SCP2: variants seen among roughly 807,000 people sequenced by gnomAD.
SCP2 encodes sterol carrier protein 2.
A neutral mutation model predicts 71.4 loss-of-function variants in SCP2; 48 were observed. The observed-to-expected ratio is 0.67, with a 90% CI of 0.53 to 0.86. The LOEUF is 0.86. SCP2 is among the 40% of genes least tolerant of loss of function. The pLI, the probability that SCP2 is intolerant of heterozygous loss-of-function variation, is 0.00. For synonymous variants in SCP2, 220 were observed against 218.1 expected, an observed-to-expected ratio of 1.01 and a Z score of -0.08; for missense variants, 560 against 655.6, an observed-to-expected ratio of 0.85 and a Z score of 1.59.
chr1:52,988,626 T>G (rs1297480892), intron 11 of SCP2, among the ~76,000 whole-genome samples: 1 of 152,090 alleles, frequency 6.6e-6, no homozygotes, highest in African/African-American at 2.4e-5. Flanking sequence ...GGTTTCTGTT[T>G]TTTTAAATAA....
Position 53,039,055 on chromosome 1 carries a change from G to C in SCP2, c.1468+9G>C. On this transcript the variant is annotated intron_variant, in intron 14 of 15. Transcript: ENST00000371514. ...AGTGCTTCCTAACTCAGGTTAGTTT[G>C]GGAATGACTTCATTCTAGGAGCACT... 6.2e-7 allele frequency: 1 copy of C among 1,614,114 alleles called. No homozygotes were observed.
chr1:52,985,016 AT>A (rs1282633915), intron 10 of SCP2, among the ~76,000 whole-genome samples: 1 of 137,808 alleles, frequency 7.3e-6, no homozygotes, highest in African/African-American at 2.7e-5. Context: ...ATTTTTGCAT[AT>A]TTTTTAGTAG....
intron 3 of SCP2, 117 bp downstream of exon 3, chr1:52,948,197 AT>A (rs1654973910): frequency 1.3e-6 from 1 of 746,188 alleles, no homozygotes; most frequent in South Asian, 1.5e-5. Context: ...TCATTCAATT[AT>A]ATTTGTATTG....
chr1:52,943,914 C>G (rs1654522354), intron 2 of SCP2: 1 of 424,752 alleles, frequency 2.4e-6, no homozygotes, highest in South Asian at 2.0e-5. Context: ...TTCGGGCAGT[C>G]AGCTTTGTAC....
intron 6 of SCP2, among the ~76,000 whole-genome samples, chr1:52,962,074 T>C (rs565771033): frequency 1.2e-4 from 19 of 152,240 alleles, no homozygotes; most frequent in African/African-American, 4.3e-4. Flanking sequence ...GCTAATTTTT[T>C]GTATTTTTGG....
intron 10 of SCP2, among the ~76,000 whole-genome samples, chr1:52,982,831 A>C (rs780431618): frequency 2.6e-5 from 4 of 152,214 alleles, no homozygotes; most frequent in Non-Finnish European, 4.4e-5. Context: ...ACAGTCATAC[A>C]CTTAGATGTC....
intron 1 of SCP2, among the ~76,000 whole-genome samples, chr1:52,941,463 G>A (rs1229117493): frequency 2.0e-5 from 3 of 152,184 alleles, no homozygotes; most frequent in African/African-American, 4.8e-5. Context: ...TTGGCTGGGC[G>A]CAGTGGCTCA....
Position 53,014,987 on chromosome 1 carries a change from C to A in SCP2, c.1179C>A (p.Gly393=). 1 of 1,614,078 alleles carries A rather than the reference C, an allele frequency of 6.2e-7. No individual in the cohort carries two copies. Residue 393 remains glycine, a synonymous_variant, in exon 12 of 16, where the codon GGC becomes GGA. Coordinates refer to ENST00000371514, the MANE Select transcript of SCP2 (RefSeq NM_002979.5). The stretch of plus-strand genomic sequence containing the variant: ...AGGTGGCTCTGCAGCATAATTTAGG[C>A]ATTGGAGGAGCTGTGGTTGTAACAC... The part of the protein sequence containing the change: ...GAKVALQHNL[G]IGGAVVVTLY...
chr1:53,002,186 CAAA>C (rs57702073), intron 11 of SCP2, among the ~76,000 whole-genome samples: 2,645 of 76,098 alleles, frequency 0.035, 82 homozygotes, highest in African/African-American at 0.1. Context: ...GACTCCGTCT[CAAA>C]AAAAAAAAAA....
At chr1:52,932,052 A>G (rs1192894368) in intron 1 of SCP2, among the ~76,000 whole-genome samples, 1 of 152,188 alleles carries the variant, frequency 6.6e-6, no homozygotes, top group African/African-American at 2.4e-5. Context: ...GAGCAAGAAC[A>G]AAGAAATGGG....
chr1:53,036,397 C>T (rs1046667468), intron 13 of SCP2, among the ~76,000 whole-genome samples: 2 of 150,138 alleles, frequency 1.3e-5, no homozygotes, highest in Admixed American at 6.6e-5. Context: ...TACAGAGCCT[C>T]ATTTATTTAA....
At chr1:53,029,016 T>G (rs1662331059) in intron 13 of SCP2, among the ~76,000 whole-genome samples, 1 of 152,154 alleles carries the variant, frequency 6.6e-6, no homozygotes, top group African/African-American at 2.4e-5. Context: ...CCTCAAGTGA[T>G]CCACCCGCCT....
chr1:53,004,923 C>G (rs889149611), intron 11 of SCP2, among the ~76,000 whole-genome samples: 2 of 152,196 alleles, frequency 1.3e-5, no homozygotes, highest in African/African-American at 4.8e-5. Flanking sequence ...ACACTCCCAC[C>G]CTAATACTGC....
intron 5 of SCP2, among the ~76,000 whole-genome samples, chr1:52,955,006 T>G (rs1478763598): frequency 6.6e-6 from 1 of 152,222 alleles, no homozygotes; most frequent in East Asian, 1.9e-4. Flanking sequence ...TTGACTTATC[T>G]ATTTAATTTA....
intron 12 of SCP2, among the ~76,000 whole-genome samples, chr1:53,019,653 T>G (rs975402498): frequency 6.6e-6 from 1 of 152,210 alleles, no homozygotes; most frequent in African/African-American, 2.4e-5. Context: ...TGCTTGTTAT[T>G]ATTACTTCTA....
At chr1:53,013,236 C>T (rs756806439) in intron 11 of SCP2, among the ~76,000 whole-genome samples, 2 of 150,872 alleles carry the variant, frequency 1.3e-5, no homozygotes, top group Non-Finnish European at 3.0e-5. Flanking sequence ...CTTCCTCAGC[C>T]TCTTGAGTAG....
Position 52,980,470 on chromosome 1 carries a change from C to T in SCP2, c.900C>T (p.Asp300=), listed in dbSNP as rs148423275. 333 of 1,613,402 alleles carry T rather than the reference C, an allele frequency of 2.1e-4. 2 individuals carry two copies. In the African/African-American group the frequency reaches 3.7e-3, roughly 18 times the overall value. ...CTGGCCTGACACCAAATGATATTGA[C>T]GTAATAGAACTTCACGATTGCTTTT... ...EKSGLTPNDI[D]VIELHDCFST... Residue 300 remains aspartate, a synonymous_variant, in exon 10 of 16, where the codon GAC becomes GAT. Transcript: ENST00000371514.
chr1:53,027,209 C>T (rs1051922236), intron 12 of SCP2, among the ~76,000 whole-genome samples: 1 of 152,104 alleles, frequency 6.6e-6, no homozygotes. Flanking sequence ...CACGCACCAC[C>T]ACACCAGGCC....
intron 13 of SCP2, among the ~76,000 whole-genome samples, chr1:53,036,548 T>C (rs1055242003): frequency 6.7e-6 from 1 of 148,936 alleles, no homozygotes; most frequent in Non-Finnish European, 1.5e-5. Context: ...TATAATAATA[T>C]ATATGTAGCA....
Sources: gnomAD v4.1 joint callset for allele counts (sites outside exome capture counted in the v4.1 genomes callset) on GRCh38, gnomAD v4.1.1 for gene constraint, MANE v1.5 for transcripts, NCBI Gene and HGNC (gene_info 2026-07-23, HGNC 2026-07-21) for gene names.